The following SLIT3 variants were observed in gnomAD, a reference collection of about 807,000 sequenced individuals.
SLIT3 encodes slit guidance ligand 3.
Under a neutral mutation model 184.0 loss-of-function variants are expected in SLIT3, and 68 were observed. That is an observed-to-expected ratio of 0.37 (90% CI 0.30 to 0.45). The LOEUF (loss-of-function observed/expected upper bound fraction) is 0.45. Among genes scored for constraint, SLIT3 ranks in the 20% least tolerant of loss-of-function variants. The probability of loss-of-function intolerance (pLI) is 1.00; values close to 1 mark genes in which losing one functional copy is unlikely to be tolerated. For missense variants in SLIT3, 1,707 were observed against 2,026.0 expected (o/e 0.84, Z 3.02); for synonymous variants, 831 against 828.6 (o/e 1.00, Z -0.05).
At chr5:169,053,713 ACTC>A (rs1297968399) in intron 4 of SLIT3, among the ~76,000 whole-genome samples, 1 of 147,400 alleles carries the variant, frequency 6.8e-6, no homozygotes, top group Non-Finnish European at 1.5e-5. Flanking sequence ...CTTTTCATTC[ACTC>A]CCTGTTACAG....
intron 26 of SLIT3, among the ~76,000 whole-genome samples, chr5:168,704,328 T>TCC (rs1762313609): frequency 7.2e-6 from 1 of 138,816 alleles, no homozygotes; most frequent in African/African-American, 3.5e-5. Flanking sequence ...GTGAAGTATC[T>TCC]ACTGAATCCT....
intron 4 of SLIT3, among the ~76,000 whole-genome samples, chr5:169,055,783 A>G (rs1276934224): frequency 6.6e-6 from 1 of 151,196 alleles, no homozygotes; most frequent in African/African-American, 2.4e-5. Flanking sequence ...GTGAGCCAAG[A>G]TTGCACCACT....
At chr5:168,812,595 T>C (rs905966074) in intron 8 of SLIT3, among the ~76,000 whole-genome samples, 1 of 152,218 alleles carries the variant, frequency 6.6e-6, no homozygotes, top group Non-Finnish European at 1.5e-5. Context: ...CTTGTGAGCA[T>C]GTGGAAATAA....
At chr5:169,165,575 A>G (rs897209759) in intron 4 of SLIT3, among the ~76,000 whole-genome samples, 1 of 152,204 alleles carries the variant, frequency 6.6e-6, no homozygotes, top group African/African-American at 2.4e-5. Context: ...TTCATTTGAC[A>G]AATTCGTTCA....
At chr5:169,044,180 A>G (rs1482745162) in intron 4 of SLIT3, among the ~76,000 whole-genome samples, 2 of 152,234 alleles carry the variant, frequency 1.3e-5, no homozygotes, top group African/African-American at 4.8e-5. Context: ...ACATGCATAC[A>G]TTGCTGGTAT....
chr5:168,821,235 C>G (rs954012851), intron 7 of SLIT3, among the ~76,000 whole-genome samples: 1 of 152,236 alleles, frequency 6.6e-6, no homozygotes, highest in African/African-American at 2.4e-5. Flanking sequence ...AGATCCAGGC[C>G]TAACCCTGTC....
At chr5:168,759,754 G>A (rs1755075950) in intron 16 of SLIT3, among the ~76,000 whole-genome samples, 1 of 152,128 alleles carries the variant, frequency 6.6e-6, no homozygotes, top group Admixed American at 6.5e-5. Context: ...CTTGACTTTG[G>A]ACTTACACAA....
At chr5:168,760,692 G>C (rs773153831) in intron 16 of SLIT3, among the ~76,000 whole-genome samples, 170 bp downstream of exon 16, 14 of 152,108 alleles carry the variant, frequency 9.2e-5, no homozygotes, top group Non-Finnish European at 8.8e-5. Flanking sequence ...ACTTTGGTCT[G>C]TGTCTACATG....
intron 12 of SLIT3, among the ~76,000 whole-genome samples, chr5:168,784,038 A>G (rs563598600): frequency 6.6e-6 from 1 of 152,268 alleles, no homozygotes; most frequent in East Asian, 1.9e-4. Context: ...GCACTGTGCT[A>G]GGCACTGTGA....
chr5:169,262,047 C>T (rs1169875518), intron 1 of SLIT3, among the ~76,000 whole-genome samples: 1 of 152,190 alleles, frequency 6.6e-6, no homozygotes, highest in Non-Finnish European at 1.5e-5. Flanking sequence ...AGCTTGGAAG[C>T]AGGTCCTTCT....
At chr5:169,126,640 T>C (rs1446552290) in intron 4 of SLIT3, among the ~76,000 whole-genome samples, 1 of 152,186 alleles carries the variant, frequency 6.6e-6, no homozygotes, top group Non-Finnish European at 1.5e-5. Context: ...CAGGCTCTGC[T>C]CCCTTGACAC....
intron 1 of SLIT3, 44 bp from the exon 2 acceptor site, chr5:169,251,503 A>G (rs1330865643): frequency 2.3e-6 from 3 of 1,290,652 alleles, no homozygotes; most frequent in Admixed American, 3.4e-5. Flanking sequence ...GTGGGTTACA[A>G]TTACGGTCTA....
At chr5:168,748,696 A>G (rs1754592093) in intron 19 of SLIT3, among the ~76,000 whole-genome samples, 1 of 152,144 alleles carries the variant, frequency 6.6e-6, no homozygotes, top group South Asian at 2.1e-4. Flanking sequence ...CCATATCAGG[A>G]ATAAGCCGAA....
At chr5:169,193,669 C>T in intron 3 of SLIT3, 119 bp from the exon 4 acceptor site, 8 of 794,462 alleles carry the variant, frequency 1.0e-5, no homozygotes, top group South Asian at 7.0e-5. Flanking sequence ...CTCTCTACGT[C>T]TTTCAGTATG....
rs561936476 is a variant in SLIT3 at position 168,676,183 on chromosome 5, ATCCATCCATCCT to A, written c.3687-2864_3687-2853del. 2.0e-3 allele frequency among the ~76,000 whole-genome samples: 301 copies of A among 151,584 alleles called. 1 individual carries two copies. The highest frequency in any genetic ancestry group is 0.01 in the Middle Eastern group (3 of 290). ...CTCTCTTCCATCCATCCATCCATCC[ATCCATCCATCCT>A]TCATCTACCCTTCATCCGCCCACCC... On this transcript the variant is annotated intron_variant, in intron 32 of 35. Coordinates refer to ENST00000519560, the MANE Select transcript of SLIT3 (RefSeq NM_003062.4).
intron 3 of SLIT3, among the ~76,000 whole-genome samples, chr5:169,217,336 G>A (rs1267470858): frequency 6.6e-6 from 1 of 152,024 alleles, no homozygotes; most frequent in Non-Finnish European, 1.5e-5. Flanking sequence ...TGTAAGCAGG[G>A]CAGAGTTCCT....
rs114777013 is a variant in SLIT3 at position 168,676,212 on chromosome 5, C to A, written c.3687-2881G>T. 3.8e-3 allele frequency among the ~76,000 whole-genome samples: 573 copies of A among 152,202 alleles called. 4 individuals carry two copies. Among genetic ancestry groups the A allele is most frequent in the African/African-American group, 0.013 (530 of 41,540 alleles). On this transcript the variant is annotated intron_variant, in intron 32 of 35. Transcript: ENST00000519560. ...ATCCATCCTTCATCTACCCTTCATC[C>A]GCCCACCCACCAAGTGTCTGCTATG...
chr5:168,779,844 A>T (rs1561928759), intron 12 of SLIT3, among the ~76,000 whole-genome samples: 1 of 152,200 alleles, frequency 6.6e-6, no homozygotes, highest in Non-Finnish European at 1.5e-5. Context: ...TCCAGGTAAC[A>T]TGGGGAGATG....
intron 4 of SLIT3, among the ~76,000 whole-genome samples, chr5:169,190,188 A>G (rs1195577881): frequency 1.3e-5 from 2 of 152,240 alleles, no homozygotes; most frequent in South Asian, 2.1e-4. Context: ...GGACATGGGC[A>G]TATATGACCA....
Sources: allele counts gnomAD v4.1 joint callset (sites outside exome capture counted in the v4.1 genomes callset), GRCh38; gene constraint gnomAD v4.1.1; transcripts MANE v1.5; gene names NCBI Gene and HGNC (gene_info 2026-07-23, HGNC 2026-07-21).